Variants in LPP observed in about 807,000 individuals in gnomAD.
The protein encoded by LPP is LIM domain containing preferred translocation partner in lipoma, also known as lipoma-preferred partner.
Under a neutral mutation model 60.4 loss-of-function variants are expected in LPP, and 38 were observed. The observed-to-expected ratio is 0.63, with a 90% confidence interval of 0.49 to 0.83. LPP has a LOEUF of 0.83. Ranked by LOEUF, LPP falls within the 40% of genes least tolerant of loss-of-function variation. The pLI, the probability that LPP is intolerant of heterozygous loss-of-function variation, is 0.00. For missense variants in LPP, 902 were observed against 783.6 expected (o/e 1.15, Z -1.80); for synonymous variants, 328 against 290.8 (o/e 1.13, Z -1.30).
chr3:188,776,679 C>T lies in LPP; in HGVS notation c.1410+16397C>T, dbSNP rs73888894. On this transcript the variant is annotated intron_variant, in intron 9 of 11. Coordinates refer to ENST00000617246, the MANE Select transcript of LPP (RefSeq NM_001375462.1). ...CTGTCCTATTCTGATAAGGTGAATA[C>T]TTAAAAGCTATGAAAGAAGCACTGA... 4.1e-3 allele frequency among the ~76,000 whole-genome samples: 630 copies of T among 152,254 alleles called. 5 individuals carry two copies. Among genetic ancestry groups the T allele is most frequent in the African/African-American group, 0.015 (603 of 41,544 alleles).
At chr3:188,421,669 G>A (rs1472216596) in intron 4 of LPP, among the ~76,000 whole-genome samples, 3 of 152,124 alleles carry the variant, frequency 2.0e-5, no homozygotes, top group Non-Finnish European at 4.4e-5. Flanking sequence ...TGTTTCATTT[G>A]TGGTGGCTCT....
rs117504110 is a variant in LPP at position 188,670,104 on chromosome 3, G to A, written c.1114-38163G>A. Among the ~76,000 whole-genome samples, 18 of 152,276 alleles carry A rather than the reference G, an allele frequency of 1.2e-4. No homozygotes were observed. In the East Asian group the frequency reaches 3.3e-3, roughly 28 times the overall value. Reference sequence around the variant, plus strand: ...AACTTCACACACCAGGGCCTGTTGGGGGTTGGGGAGAGGAGGGAGGGATAG... The same window carrying A: ...AACTTCACACACCAGGGCCTGTTGGAGGTTGGGGAGAGGAGGGAGGGATAG... On this transcript the variant is annotated intron_variant, in intron 7 of 11. Transcript: ENST00000617246.
intron 8 of LPP, among the ~76,000 whole-genome samples, chr3:188,750,804 A>G (rs1727832242): frequency 6.6e-6 from 1 of 152,142 alleles, no homozygotes; most frequent in Admixed American, 6.5e-5. Context: ...GCTCCCATTT[A>G]TGTCTTGGTG....
In LPP at chr3:188,886,063, A is replaced by C. The variant is rs1385228321; in HGVS notation, c.*11584A>C. ...AACTATCTCAAGGACAAAAAACCAA[A>C]CACCACATGTTCTCACTCACAGGTG... On this transcript the variant is annotated 3_prime_UTR_variant, in exon 12 of 12. Transcript: ENST00000617246. 5 of 151,768 alleles carry C rather than the reference A, an allele frequency of 3.3e-5. No individual in the cohort carries two copies. Among genetic ancestry groups the C allele is most frequent in the African/African-American group, 1.2e-4 (5 of 41,326 alleles). The allele number at this position is 151,768 out of a possible 1,614,324, so 9.4% of individuals were successfully genotyped here.
chr3:188,560,938 A>G (rs1250670855), intron 6 of LPP, among the ~76,000 whole-genome samples: 1 of 152,052 alleles, frequency 6.6e-6, no homozygotes, highest in Non-Finnish European at 1.5e-5. Context: ...AGGATGGGAG[A>G]TGAAAGGATG....
At chr3:188,474,053 A>G (rs186010996) in intron 4 of LPP, among the ~76,000 whole-genome samples, 4 of 152,352 alleles carry the variant, frequency 2.6e-5, no homozygotes, top group African/African-American at 9.6e-5. Context: ...ACCGTAGTAC[A>G]TTGTTGACCT....
At chr3:188,810,234 G>A (rs34690149) in intron 9 of LPP, among the ~76,000 whole-genome samples, 18,300 of 151,850 alleles carry the variant, frequency 0.12, 1,579 homozygotes, top group Non-Finnish European at 0.18. Context: ...GGCATTCAGA[G>A]GCCTTAAGGC....
intron 4 of LPP, among the ~76,000 whole-genome samples, chr3:188,449,685 T>C (rs531570774): frequency 6.6e-6 from 1 of 152,208 alleles, no homozygotes; most frequent in Non-Finnish European, 1.5e-5. Flanking sequence ...TACTTTGTCC[T>C]TGTGCCTTTA....
intron 6 of LPP, among the ~76,000 whole-genome samples, chr3:188,592,557 G>GTTGTTGTTTGTTTTTT (rs1553936334): frequency 2.3e-5 from 2 of 85,796 alleles, no homozygotes; most frequent in South Asian, 5.7e-4. Context: ...TTTTGTTTTT[G>GTTGTTGTTTGTTTTTT]TTTTTTAAAT....
intron 1 of LPP, among the ~76,000 whole-genome samples, chr3:188,174,256 T>G (rs1722439542): frequency 6.6e-6 from 1 of 152,228 alleles, no homozygotes; most frequent in Non-Finnish European, 1.5e-5. Context: ...ACTGTCTGTT[T>G]TTATTCTTGG....
intron 6 of LPP, among the ~76,000 whole-genome samples, chr3:188,538,708 C>G (rs1824324880): frequency 6.6e-6 from 1 of 152,114 alleles, no homozygotes; most frequent in African/African-American, 2.4e-5. Flanking sequence ...AAATATATGA[C>G]CACACAAAGA....
chr3:188,730,475 C>T (rs1351902300), intron 8 of LPP, among the ~76,000 whole-genome samples: 1 of 152,186 alleles, frequency 6.6e-6, no homozygotes, highest in Non-Finnish European at 1.5e-5. Flanking sequence ...TATCTTGGTA[C>T]TCACTTGTAA....
intron 2 of LPP, among the ~76,000 whole-genome samples, chr3:188,264,626 CTGTT>C (rs537409103): frequency 2.6e-5 from 4 of 152,156 alleles, no homozygotes; most frequent in Admixed American, 1.3e-4. Context: ...TTCTGAAACT[CTGTT>C]TGTCAAATAA....
intron 6 of LPP, among the ~76,000 whole-genome samples, chr3:188,542,769 A>C (rs1825564602): frequency 6.6e-6 from 1 of 152,122 alleles, no homozygotes; most frequent in South Asian, 2.1e-4. Flanking sequence ...AGTTGAGCCA[A>C]GAGCAATGGG....
chr3:188,549,638 C>G (rs1470475068), intron 6 of LPP, among the ~76,000 whole-genome samples: 1 of 152,122 alleles, frequency 6.6e-6, no homozygotes, highest in African/African-American at 2.4e-5. Context: ...AGTACAAGAT[C>G]TTGGTAAGAG....
At chr3:188,311,619 G>A (rs1753467559) in intron 2 of LPP, among the ~76,000 whole-genome samples, 2 of 149,190 alleles carry the variant, frequency 1.3e-5, no homozygotes, top group Admixed American at 6.8e-5. Context: ...TCTTTGATGT[G>A]CTATTGTCCA....
At chr3:188,469,823 G>A (rs1448888752) in intron 4 of LPP, among the ~76,000 whole-genome samples, 4 of 152,088 alleles carry the variant, frequency 2.6e-5, no homozygotes, top group African/African-American at 9.7e-5. Flanking sequence ...CTAAATGTTT[G>A]TGAAGAATGT....
At chr3:188,786,623 C>G (rs1243284224) in intron 9 of LPP, among the ~76,000 whole-genome samples, 2 of 152,038 alleles carry the variant, frequency 1.3e-5, no homozygotes, top group East Asian at 3.8e-4. Context: ...GGGAAATGAA[C>G]AAATCAAATA....
At chr3:188,575,292 G>T (rs151306852) in intron 6 of LPP, among the ~76,000 whole-genome samples, 43 of 152,174 alleles carry the variant, frequency 2.8e-4, no homozygotes, top group African/African-American at 9.4e-4. Flanking sequence ...TTGATTTTTT[G>T]TTTTTAGTTT....
Sources: allele counts gnomAD v4.1 joint callset (sites outside exome capture counted in the v4.1 genomes callset), GRCh38; gene constraint gnomAD v4.1.1; transcripts MANE v1.5; gene names NCBI Gene and HGNC (gene_info 2026-07-23, HGNC 2026-07-21).